Variants in SORCS3 observed in about 807,000 individuals in gnomAD.
SORCS3 encodes sortilin related VPS10 domain containing receptor 3.
In SORCS3, 57 loss-of-function variants were observed where a neutral mutation model predicts 146.3. The observed-to-expected ratio is 0.39, with a 90% confidence interval of 0.31 to 0.49. The LOEUF (loss-of-function observed/expected upper bound fraction) is 0.49, where lower values mean the gene tolerates loss of function less well. Among genes scored for constraint, SORCS3 ranks in the 20% least tolerant of loss-of-function variants. The pLI is 0.92. For missense variants in SORCS3, 1,341 were observed against 1,575.5 expected, an observed-to-expected ratio of 0.85 and a Z score of 2.52; for synonymous variants, 653 against 618.5, an observed-to-expected ratio of 1.06 and a Z score of -0.83.
chr10:104,781,020 G>A (rs2133492013), intron 1 of SORCS3, among the ~76,000 whole-genome samples: 1 of 152,294 alleles, frequency 6.6e-6, no homozygotes, highest in East Asian at 1.9e-4. Context: ...GGCTACTGGT[G>A]GTAATAGATG....
At chr10:105,049,677 G>A (rs2055397781) in intron 5 of SORCS3, among the ~76,000 whole-genome samples, 1 of 152,048 alleles carries the variant, frequency 6.6e-6, no homozygotes, top group Non-Finnish European at 1.5e-5. Context: ...CAAAATGGAT[G>A]GAGCTAGAGG....
At chr10:104,805,230 C>G (rs2017667852) in intron 1 of SORCS3, among the ~76,000 whole-genome samples, 1 of 152,098 alleles carries the variant, frequency 6.6e-6, no homozygotes, top group Non-Finnish European at 1.5e-5. Context: ...GATGCAGATG[C>G]AAATTGTCTT....
At chr10:104,999,296 A>G (rs2055047125) in intron 4 of SORCS3, among the ~76,000 whole-genome samples, 1 of 152,020 alleles carries the variant, frequency 6.6e-6, no homozygotes, top group Admixed American at 6.6e-5. Flanking sequence ...AACCCTGAAA[A>G]CGTTTGTATA....
In SORCS3 at chr10:105,154,572, G is replaced by A. The variant is rs117022820; in HGVS notation, c.1483-2566G>A. The stretch of plus-strand genomic sequence containing the variant: ...CCCTGGACTGCTGAAATAATCAGCA[G>A]CAGCCAAACATCTGATTTCAAACAA... On this transcript the variant is annotated intron_variant, in intron 9 of 26. Coordinates refer to ENST00000369701, the MANE Select transcript of SORCS3 (RefSeq NM_014978.3). Among the ~76,000 whole-genome samples, 316 of 152,342 alleles carry A rather than the reference G, an allele frequency of 2.1e-3. 2 individuals carry two copies. The East Asian group carries it at 0.033, about 16-fold the overall frequency.
intron 8 of SORCS3, among the ~76,000 whole-genome samples, chr10:105,145,412 A>G (rs540253834): frequency 2.0e-5 from 3 of 151,982 alleles, no homozygotes; most frequent in Non-Finnish European, 1.5e-5. Flanking sequence ...CATTAACCTA[A>G]TATGCACTCA....
intron 3 of SORCS3, among the ~76,000 whole-genome samples, chr10:104,927,475 A>T (rs548821082): frequency 6.6e-6 from 1 of 152,254 alleles, no homozygotes; most frequent in Non-Finnish European, 1.5e-5. Flanking sequence ...TGAGAGAGTC[A>T]GGCTGGATAA....
chr10:104,995,321 G>A (rs941374051), intron 4 of SORCS3, among the ~76,000 whole-genome samples: 7 of 151,708 alleles, frequency 4.6e-5, no homozygotes, highest in African/African-American at 1.2e-4. Flanking sequence ...CACCATGACC[G>A]GCTAACTTTT....
chr10:104,987,590 A>G (rs58471439), intron 4 of SORCS3, among the ~76,000 whole-genome samples: 1,867 of 152,242 alleles, frequency 0.012, 32 homozygotes, highest in African/African-American at 0.043. Flanking sequence ...TCTTTTCTTC[A>G]GCGTTTTTTT....
chr10:104,885,637 G>C (rs115414498), intron 2 of SORCS3, among the ~76,000 whole-genome samples: 1 of 151,988 alleles, frequency 6.6e-6, no homozygotes, highest in Non-Finnish European at 1.5e-5. Flanking sequence ...AATATTTTTC[G>C]TTTTGCGTCT....
chr10:104,662,497 G>A (rs1283569844), intron 1 of SORCS3, among the ~76,000 whole-genome samples: 3 of 152,198 alleles, frequency 2.0e-5, no homozygotes, highest in Non-Finnish European at 4.4e-5. Flanking sequence ...CAAGTCCCAC[G>A]TGGACCATCT....
At chr10:104,921,581 T>G (rs1449550711) in intron 3 of SORCS3, among the ~76,000 whole-genome samples, 2 of 152,108 alleles carry the variant, frequency 1.3e-5, no homozygotes, top group East Asian at 1.9e-4. Context: ...TAATGAGTTC[T>G]TTCTATTGAG....
chr10:104,941,010 A>G (rs542832862), intron 3 of SORCS3, among the ~76,000 whole-genome samples: 2 of 152,298 alleles, frequency 1.3e-5, no homozygotes, highest in Non-Finnish European at 2.9e-5. Context: ...TCGATCATAT[A>G]GGGTAACTTC....
intron 1 of SORCS3, among the ~76,000 whole-genome samples, chr10:104,716,798 A>G (rs2016484678): frequency 6.6e-6 from 1 of 152,152 alleles, no homozygotes; most frequent in Non-Finnish European, 1.5e-5. Context: ...GTCTCAGGTC[A>G]GTGGAGACAG....
At chr10:104,748,501 A>T (rs573434418) in intron 1 of SORCS3, among the ~76,000 whole-genome samples, 36 of 152,296 alleles carry the variant, frequency 2.4e-4, no homozygotes, top group African/African-American at 8.4e-4. Context: ...TATTTCAGGA[A>T]AAAACTGAGC....
At chr10:104,869,278 A>G in intron 2 of SORCS3, among the ~76,000 whole-genome samples, 1 of 152,212 alleles carries the variant, frequency 6.6e-6, no homozygotes, top group South Asian at 2.1e-4. Flanking sequence ...TCCAAAAGCC[A>G]GAGTGTCCAA....
intron 1 of SORCS3, among the ~76,000 whole-genome samples, chr10:104,769,558 C>T (rs779362854): frequency 5.3e-5 from 8 of 152,250 alleles, no homozygotes; most frequent in Admixed American, 4.6e-4. Context: ...AAGAAGCTGG[C>T]AAGCATTACC....
chr10:104,854,365 A>T (rs1358636966), intron 2 of SORCS3, among the ~76,000 whole-genome samples: 1 of 152,196 alleles, frequency 6.6e-6, no homozygotes, highest in Non-Finnish European at 1.5e-5. Context: ...GTCTGGGATG[A>T]GTGTGCCATT....
intron 2 of SORCS3, among the ~76,000 whole-genome samples, chr10:104,847,413 C>T (rs903244448): frequency 3.3e-5 from 5 of 152,206 alleles, no homozygotes; most frequent in African/African-American, 1.2e-4. Context: ...TAAGTTACCC[C>T]CTTCTGGAGG....
intron 1 of SORCS3, among the ~76,000 whole-genome samples, chr10:104,751,948 TA>T (rs1240301221): frequency 8.6e-6 from 1 of 116,234 alleles, no homozygotes; most frequent in East Asian, 2.7e-4. Flanking sequence ...TATATATATA[TA>T]TATATATATA....
Sources: gnomAD v4.1 joint callset for allele counts (sites outside exome capture counted in the v4.1 genomes callset) on GRCh38, gnomAD v4.1.1 for gene constraint, MANE v1.5 for transcripts, NCBI Gene and HGNC (gene_info 2026-07-23, HGNC 2026-07-21) for gene names.